The following MYO18B variants were observed in gnomAD, a reference collection of about 807,000 sequenced individuals.
MYO18B encodes unconventional myosin-XVIIIb.
MYO18B carries 204 observed loss-of-function variants against 273.0 expected under a neutral mutation model. The observed-to-expected ratio is 0.75, with a 90% confidence interval of 0.67 to 0.84. The LOEUF is 0.84. Ranked by LOEUF, MYO18B falls within the 40% of genes least tolerant of loss-of-function variation. MYO18B has a pLI of 0.00. For synonymous variants in MYO18B, 1,330 were observed against 1,305.7 expected, an observed-to-expected ratio of 1.02 and a Z score of -0.40; for missense variants, 3,212 against 3,287.6, an observed-to-expected ratio of 0.98 and a Z score of 0.56.
the MYO18B span, among the ~76,000 whole-genome samples, chr22:26,051,465 A>G: frequency 6.6e-6 from 1 of 152,050 alleles, no homozygotes; most frequent in Admixed American, 6.5e-5. Flanking sequence ...AATTGGTCCC[A>G]TTTTACAGTG....
At chr22:25,960,915 C>T (rs767038851) in intron 39 of MYO18B, among the ~76,000 whole-genome samples, 15 of 151,954 alleles carry the variant, frequency 9.9e-5, no homozygotes, top group Admixed American at 2.6e-4. Flanking sequence ...TTTGGGAGGA[C>T]GAGTGGGAGG....
chr22:26,043,570 G>A, the MYO18B span, among the ~76,000 whole-genome samples: 105 of 147,942 alleles, frequency 7.1e-4, no homozygotes, highest in African/African-American at 2.6e-3. Flanking sequence ...GAGTGCAATG[G>A]TGCGATCTCG....
At chr22:25,921,841 TG>T (rs2092351735) in intron 34 of MYO18B, among the ~76,000 whole-genome samples, 2 of 144,866 alleles carry the variant, frequency 1.4e-5, no homozygotes, top group Non-Finnish European at 3.0e-5. Flanking sequence ...TGTGTGTGTG[TG>T]TGTGTGTGTG....
At chr22:25,791,333 A>C (rs2087650845) in intron 11 of MYO18B, among the ~76,000 whole-genome samples, 1 of 152,184 alleles carries the variant, frequency 6.6e-6, no homozygotes, top group Non-Finnish European at 1.5e-5. Context: ...ACCTGATGCA[A>C]AGGTAAACAT....
rs548139289 is a variant in MYO18B, at chr22:25,761,288, C to T, written c.39+157C>T. ...ACCTTCAACCTTCTCCCAGCCAGCT[C>T]GGTTAGCCTTGGCCTTTCCAACCCA... On this transcript the variant is annotated intron_variant, in intron 2 of 43. Coordinates refer to ENST00000335473, the MANE Select transcript of MYO18B (RefSeq NM_032608.7). Among the ~76,000 whole-genome samples the T allele has an allele frequency of 2.6e-5, 4 of 152,294 alleles. No individual in the cohort carries two copies. In the East Asian group the frequency reaches 5.8e-4, roughly 22 times the overall value.
intron 10 of MYO18B, among the ~76,000 whole-genome samples, 184 bp from the exon 11 acceptor site, chr22:25,785,244 C>T (rs1171820398): frequency 1.3e-5 from 2 of 152,214 alleles, no homozygotes. Flanking sequence ...GAGGGCTGTG[C>T]GTGAGGAATA....
chr22:25,954,787 C>G (rs2092829675), intron 38 of MYO18B, among the ~76,000 whole-genome samples: 1 of 152,208 alleles, frequency 6.6e-6, no homozygotes, highest in South Asian at 2.1e-4. Context: ...TCTTGGCTCA[C>G]TACAACCTCC....
chr22:26,017,096 C>CCTCA (rs1276249501), intron 42 of MYO18B, among the ~76,000 whole-genome samples: 5 of 133,076 alleles, frequency 3.8e-5, no homozygotes, highest in South Asian at 2.5e-4. Context: ...TCCCTCCCTC[C>CCTCA]CTCACTCACT....
intron 38 of MYO18B, 51 bp from the exon 39 acceptor site, chr22:25,955,128 A>C: frequency 1.3e-6 from 2 of 1,491,626 alleles, no homozygotes; most frequent in Non-Finnish European, 1.8e-6. Flanking sequence ...CCCTTGTTTC[A>C]TACCCCTGGC....
intron 12 of MYO18B, among the ~76,000 whole-genome samples, chr22:25,801,739 C>T (rs1186560861): frequency 1.3e-5 from 2 of 152,084 alleles, no homozygotes; most frequent in East Asian, 1.9e-4. Context: ...TTTATAGACC[C>T]GATGATGTCA....
chr22:25,830,656 C>T (rs2089673040), intron 15 of MYO18B, among the ~76,000 whole-genome samples: 1 of 152,158 alleles, frequency 6.6e-6, no homozygotes, highest in Non-Finnish European at 1.5e-5. Context: ...AGAGAGCAAA[C>T]AGAAGCGTGC....
chr22:25,838,955 AGTT>A (rs200140382), intron 17 of MYO18B, among the ~76,000 whole-genome samples: 1,504 of 150,330 alleles, frequency 0.01, 21 homozygotes, highest in African/African-American at 0.034. Context: ...GTGTATGTCT[AGTT>A]GTTTGTATAT....
intron 32 of MYO18B, 88 bp from the exon 33 acceptor site, chr22:25,910,858 C>G: frequency 9.7e-7 from 1 of 1,033,046 alleles, no homozygotes; most frequent in Non-Finnish European, 1.5e-6. Context: ...GCTCTACATT[C>G]CTCCGCCTTC....
chr22:25,947,138 T>C (rs1040459446), intron 35 of MYO18B, among the ~76,000 whole-genome samples: 3 of 150,154 alleles, frequency 2.0e-5, no homozygotes, highest in Non-Finnish European at 3.0e-5. Context: ...TACACATACA[T>C]GCGCACACGT....
In MYO18B at chr22:25,798,054, C is replaced by T. The variant is rs748284928; in HGVS notation, c.2478C>T (p.Val826=). ...GCGAGCAGCGGGCTGTTTGGCGGGT[C>T]CTGGCAGCCATCTACCACCTGGGTG... is the stretch of plus-strand genomic sequence containing the variant. ...SESEQRAVWR[V]LAAIYHLGAA... is the part of the protein sequence containing the mutation. The change falls in exon 12 of 44, where the codon GTC becomes GTT. Residue 826 remains valine (V), a synonymous_variant. Coordinates refer to ENST00000335473, the MANE Select transcript of MYO18B (RefSeq NM_032608.7). The T allele has an allele frequency of 2.5e-5, 40 of 1,611,834 alleles. No individual in the cohort carries two copies. The highest frequency in any genetic ancestry group is 3.2e-5 in the Non-Finnish European group (38 of 1,178,192).
chr22:25,967,993 T>C (rs2092996991), intron 39 of MYO18B, among the ~76,000 whole-genome samples: 1 of 152,184 alleles, frequency 6.6e-6, no homozygotes, highest in Non-Finnish European at 1.5e-5. Flanking sequence ...TTTGAACATT[T>C]ACCAGCACAC....
At chr22:25,753,739 G>A (rs946327011) in intron 1 of MYO18B, among the ~76,000 whole-genome samples, 2 of 152,148 alleles carry the variant, frequency 1.3e-5, no homozygotes, top group Non-Finnish European at 2.9e-5. Flanking sequence ...TCACCGCGAA[G>A]GCCTGCAGCT....
intron 1 of MYO18B, among the ~76,000 whole-genome samples, chr22:25,742,891 C>T (rs2085669406): frequency 6.6e-6 from 1 of 152,260 alleles, no homozygotes; most frequent in South Asian, 2.1e-4. Context: ...GGTGTCTTAT[C>T]TGGCACCCCG....
chr22:25,800,123 G>A (rs777090982), intron 12 of MYO18B, among the ~76,000 whole-genome samples: 1 of 152,148 alleles, frequency 6.6e-6, no homozygotes, highest in Non-Finnish European at 1.5e-5. Flanking sequence ...TTACAAGTGG[G>A]AGCTAAGCTA....
Sources: gnomAD v4.1 joint callset for allele counts (sites outside exome capture counted in the v4.1 genomes callset) on GRCh38, gnomAD v4.1.1 for gene constraint, MANE v1.5 for transcripts, NCBI Gene and HGNC (gene_info 2026-07-23, HGNC 2026-07-21) for gene names.